LINGO2: variants seen among roughly 807,000 people sequenced by gnomAD.
LINGO2 encodes the protein leucine-rich repeat and immunoglobulin-like domain-containing nogo receptor-interacting protein 2.
In LINGO2, 14 loss-of-function variants were observed where a neutral mutation model predicts 30.6. The ratio of observed to expected loss-of-function variants is 0.46; its 90% CI spans 0.30 to 0.72. The LOEUF (loss-of-function observed/expected upper bound fraction) is 0.72, where lower values mean the gene tolerates loss of function less well. Among genes scored for constraint, LINGO2 ranks in the 30% least tolerant of loss-of-function variants. The pLI, the probability that LINGO2 is intolerant of heterozygous loss-of-function variation, is 0.07. For missense variants in LINGO2, 729 were observed against 751.7 expected (o/e 0.97, Z 0.35); for synonymous variants, 317 against 288.5 (o/e 1.10, Z -1.00).
At chr9:29,128,037 G>A in the LINGO2 span, among the ~76,000 whole-genome samples, 1 of 152,062 alleles carries the variant, frequency 6.6e-6, no homozygotes, top group Admixed American at 6.6e-5. Context: ...TCTAGTGGAA[G>A]GGGAAGCATG....
chr9:29,139,919 G>C, the LINGO2 span, among the ~76,000 whole-genome samples: 3 of 151,908 alleles, frequency 2.0e-5, no homozygotes, highest in African/African-American at 7.3e-5. Context: ...CAGAGAACCT[G>C]CAGAGCCATA....
intron 3 of LINGO2, among the ~76,000 whole-genome samples, chr9:28,364,210 C>T (rs1434968792): frequency 6.6e-6 from 1 of 152,108 alleles, no homozygotes; most frequent in Non-Finnish European, 1.5e-5. Context: ...ACAGTTTGGT[C>T]TATGAGTGCA....
At chr9:28,008,572 T>A (rs1383532174) in intron 5 of LINGO2, among the ~76,000 whole-genome samples, 2 of 66,456 alleles carry the variant, frequency 3.0e-5, no homozygotes, top group East Asian at 1.1e-3. Flanking sequence ...CTAAAAACTA[T>A]TAGAATAGAT....
In LINGO2 at chr9:28,503,085, G is replaced by T. The variant is rs537969207; in HGVS notation, c.-364-27060C>A. Reference sequence around the variant, plus strand: ...TGAAAAAATAAATTTGCATACTAAGGTATAATTTTTACGAATTTGACTCAA... The same window carrying T: ...TGAAAAAATAAATTTGCATACTAAGTTATAATTTTTACGAATTTGACTCAA... On this transcript the variant is annotated intron_variant, in intron 1 of 5. Coordinates refer to ENST00000379992, the Ensembl canonical transcript of LINGO2. 3.9e-5 allele frequency among the ~76,000 whole-genome samples: 6 copies of T among 152,064 alleles called. No individual in the cohort carries two copies. In the South Asian group the frequency reaches 8.3e-4, roughly 21 times the overall value.
intron 4 of LINGO2, among the ~76,000 whole-genome samples, chr9:28,039,604 A>G (rs559102928): frequency 2.0e-4 from 30 of 152,302 alleles, no homozygotes; most frequent in Non-Finnish European, 4.3e-4. Flanking sequence ...GACTCTGTAT[A>G]TAAACAGTAT....
chr9:28,749,939 G>C, the LINGO2 span, among the ~76,000 whole-genome samples: 1 of 152,042 alleles, frequency 6.6e-6, no homozygotes, highest in Non-Finnish European at 1.5e-5. Context: ...AATTAGTATT[G>C]TACTTACACT....
chr9:28,076,504 G>T (rs1421832867), intron 4 of LINGO2, among the ~76,000 whole-genome samples: 1 of 151,348 alleles, frequency 6.6e-6, no homozygotes, highest in Non-Finnish European at 1.5e-5. Flanking sequence ...CAACAAGTTA[G>T]ATGTTATGAT....
chr9:28,982,999 CCTA>C, the LINGO2 span, among the ~76,000 whole-genome samples: 78 of 151,650 alleles, frequency 5.1e-4, no homozygotes, highest in African/African-American at 1.8e-3. Context: ...CCATTTCTCG[CCTA>C]CTTTTTCCCA....
At chr9:28,674,394 G>C (rs1197784160), upstream of LINGO2, among the ~76,000 whole-genome samples, 2 of 152,156 alleles carry the variant, frequency 1.3e-5, no homozygotes, top group African/African-American at 2.4e-5. Context: ...AGAACTTTCA[G>C]TGCTACTTGA....
chr9:27,986,955 C>A (rs1332933872), intron 5 of LINGO2, among the ~76,000 whole-genome samples: 1 of 151,818 alleles, frequency 6.6e-6, no homozygotes, highest in Non-Finnish European at 1.5e-5. Context: ...GCAAGACCTG[C>A]TCCTTGGGCT....
chr9:28,372,360 T>A (rs527592078), intron 3 of LINGO2, among the ~76,000 whole-genome samples: 11 of 152,226 alleles, frequency 7.2e-5, no homozygotes, highest in Non-Finnish European at 1.3e-4. Context: ...TTCTGTCATT[T>A]ATGACAACAT....
intron 3 of LINGO2, among the ~76,000 whole-genome samples, chr9:28,324,910 G>A (rs370499763): frequency 6.6e-6 from 1 of 151,766 alleles, no homozygotes; most frequent in African/African-American, 2.4e-5. Flanking sequence ...ATTCTTTCTT[G>A]CACGAGATCC....
the LINGO2 span, among the ~76,000 whole-genome samples, chr9:28,997,319 T>C: frequency 6.6e-6 from 1 of 152,106 alleles, no homozygotes; most frequent in South Asian, 2.1e-4. Context: ...AAGTGAGTGG[T>C]ATGCCCATGA....
At chr9:28,588,752 C>G (rs1223186031) in intron 1 of LINGO2, among the ~76,000 whole-genome samples, 1 of 151,982 alleles carries the variant, frequency 6.6e-6, no homozygotes, top group African/African-American at 2.4e-5. Flanking sequence ...AAATCCTGAG[C>G]TAAAATTGGG....
intron 4 of LINGO2, among the ~76,000 whole-genome samples, chr9:28,050,722 T>G (rs1824633925): frequency 6.6e-6 from 1 of 150,992 alleles, no homozygotes; most frequent in Non-Finnish European, 1.5e-5. Flanking sequence ...CCACTGTAAG[T>G]GCTAAACACC....
chr9:28,994,116 A>T, the LINGO2 span, among the ~76,000 whole-genome samples: 1 of 151,902 alleles, frequency 6.6e-6, no homozygotes, highest in East Asian at 1.9e-4. Context: ...TATCTAGAAA[A>T]CCCCATTGTC....
At chr9:28,684,608 T>C in the LINGO2 span, among the ~76,000 whole-genome samples, 2 of 149,942 alleles carry the variant, frequency 1.3e-5, no homozygotes, top group African/African-American at 4.9e-5. Flanking sequence ...AACCTCCACC[T>C]CCCAGGTTCA....
intron 4 of LINGO2, among the ~76,000 whole-genome samples, chr9:28,265,654 T>C (rs1320484049): frequency 6.6e-6 from 1 of 152,006 alleles, no homozygotes; most frequent in Non-Finnish European, 1.5e-5. Flanking sequence ...CTTGAGAAAT[T>C]TAAAGCAAAT....
At chr9:28,997,618 T>A in the LINGO2 span, among the ~76,000 whole-genome samples, 1 of 152,074 alleles carries the variant, frequency 6.6e-6, no homozygotes, top group African/African-American at 2.4e-5. Context: ...GGTCAGGAGA[T>A]CGAGACCATC....
Sources: allele counts gnomAD v4.1 joint callset (sites outside exome capture counted in the v4.1 genomes callset), GRCh38; gene constraint gnomAD v4.1.1; transcripts MANE v1.5; gene names NCBI Gene and HGNC (gene_info 2026-07-23, HGNC 2026-07-21).